Variants in KLF16 observed in about 807,000 individuals in gnomAD.
KLF16 encodes the protein KLF transcription factor 16, also known as Krueppel-like factor 16.
A neutral mutation model predicts 6.1 loss-of-function variants in KLF16; 6 were observed. The ratio of observed to expected loss-of-function variants is 0.98; its 90% CI spans 0.54 to 1.93. KLF16 has a LOEUF of 1.93. Among genes scored for constraint, KLF16 ranks in the 30% most tolerant of loss-of-function variants. The probability of loss-of-function intolerance (pLI) is 0.01; values close to 1 mark genes in which losing one functional copy is unlikely to be tolerated. For missense variants in KLF16, 355 were observed against 363.8 expected, an observed-to-expected ratio of 0.98 and a Z score of 0.20; for synonymous variants, 211 against 176.5, an observed-to-expected ratio of 1.20 and a Z score of -1.55.
chr19:1,873,727 A>G, the KLF16 span, among the ~76,000 whole-genome samples: 1 of 152,222 alleles, frequency 6.6e-6, no homozygotes. Context: ...CCTGGAATAG[A>G]GTGCTGGCCT....
intron 1 of KLF16, among the ~76,000 whole-genome samples, 178 bp from the exon 2 acceptor site, chr19:1,854,938 G>A (rs575291449): frequency 1.3e-4 from 20 of 152,214 alleles, no homozygotes; most frequent in African/African-American, 4.3e-4. Flanking sequence ...CCCGCCCCCC[G>A]GTGGCCCAAC....
upstream of KLF16, among the ~76,000 whole-genome samples, chr19:1,867,724 G>A (rs2012209516): frequency 6.6e-6 from 1 of 151,892 alleles, no homozygotes; most frequent in South Asian, 2.1e-4. Context: ...AAATTAGCCA[G>A]GTGTGGTGGG....
intron 1 of KLF16, among the ~76,000 whole-genome samples, chr19:1,860,845 A>G (rs984501640): frequency 9.9e-5 from 15 of 152,274 alleles, no homozygotes; most frequent in African/African-American, 3.6e-4. Context: ...GAAAGCCACA[A>G]GTATCCAAAA....
chr19:1,864,057 A>C (rs1360336595), upstream of KLF16, among the ~76,000 whole-genome samples: 12 of 91,662 alleles, frequency 1.3e-4, no homozygotes, highest in South Asian at 3.9e-4. Flanking sequence ...GCCCCGCCCC[A>C]TCCCGGCACG....
chr19:1,862,511 C>G (rs2012086424), intron 1 of KLF16, among the ~76,000 whole-genome samples: 1 of 151,948 alleles, frequency 6.6e-6, no homozygotes, highest in Admixed American at 6.5e-5. Flanking sequence ...GCAGAGAAAA[C>G]GTGCCGGGCT....
upstream of KLF16, among the ~76,000 whole-genome samples, chr19:1,868,296 C>T (rs566331404): frequency 6.6e-6 from 1 of 152,108 alleles, no homozygotes; most frequent in Admixed American, 6.6e-5. Context: ...CATCCAGTGA[C>T]CCCACCTGCA....
chr19:1,874,617 G>A, the KLF16 span, among the ~76,000 whole-genome samples: 2 of 151,510 alleles, frequency 1.3e-5, no homozygotes, highest in East Asian at 3.9e-4. Context: ...CTAATGACCA[G>A]TAACAATTTT....
At chr19:1,861,078 G>A (rs528705906) in intron 1 of KLF16, among the ~76,000 whole-genome samples, 130 of 152,096 alleles carry the variant, frequency 8.5e-4, no homozygotes, top group African/African-American at 3.0e-3. Flanking sequence ...GGCACCCCCA[G>A]GCCTGTTTCT....
chr19:1,873,721 G>A, the KLF16 span, among the ~76,000 whole-genome samples: 24,740 of 152,260 alleles, frequency 0.16, 2,313 homozygotes, highest in East Asian at 0.28. Flanking sequence ...GCGCGTCCTG[G>A]AATAGAGTGC....
intron 1 of KLF16, among the ~76,000 whole-genome samples, chr19:1,859,182 A>G (rs1032923696): frequency 1.3e-5 from 2 of 151,432 alleles, no homozygotes; most frequent in East Asian, 3.9e-4. Flanking sequence ...CCAACCCTAC[A>G]GGAGCGCATA....
chr19:1,872,646 C>A, the KLF16 span, among the ~76,000 whole-genome samples: 2 of 152,324 alleles, frequency 1.3e-5, no homozygotes, highest in Admixed American at 1.3e-4. Flanking sequence ...GAGGTGCTCG[C>A]TGTCTGGCCG....
At chr19:1,858,187 C>A (rs545533291) in intron 1 of KLF16, among the ~76,000 whole-genome samples, 1 of 152,274 alleles carries the variant, frequency 6.6e-6, no homozygotes, top group East Asian at 1.9e-4. Flanking sequence ...AATCCCATCA[C>A]CTTCGGGATC....
At chr19:1,855,753 G>A (rs2011937500) in intron 1 of KLF16, among the ~76,000 whole-genome samples, 1 of 152,232 alleles carries the variant, frequency 6.6e-6, no homozygotes, top group South Asian at 2.1e-4. Context: ...ACTGGGGAGG[G>A]GCAGGTCAGT....
chr19:1,858,972 C>T (rs964673510), intron 1 of KLF16, among the ~76,000 whole-genome samples: 3 of 152,118 alleles, frequency 2.0e-5, no homozygotes, highest in East Asian at 1.9e-4. Flanking sequence ...CCTGGGGGAG[C>T]CCTCCCCATC....
In KLF16 at chr19:1,863,570, C is replaced by T; in HGVS notation, c.-73G>A. 1.3e-6 allele frequency: 1 copy of T among 744,106 alleles called. No individual in the cohort carries two copies. Among genetic ancestry groups the T allele is most frequent in the Non-Finnish European group, 1.6e-6 (1 of 612,830 alleles). 46.1% of individuals were successfully genotyped at this position (744,106 alleles called of 1,614,324 possible). Reference sequence around the variant, plus strand: ...GCGGCGTCCGTCCGGCCGGCGGCGGCTGCTCGAGTGCGGGAGGCGGAGGAG... The same window carrying T: ...GCGGCGTCCGTCCGGCCGGCGGCGGTTGCTCGAGTGCGGGAGGCGGAGGAG... On this transcript the variant is annotated 5_prime_UTR_variant, in exon 1 of 2. Coordinates refer to ENST00000250916, the MANE Select transcript of KLF16 (RefSeq NM_031918.4).
the KLF16 span, among the ~76,000 whole-genome samples, chr19:1,869,343 G>A: frequency 6.6e-6 from 1 of 152,286 alleles, no homozygotes; most frequent in African/African-American, 2.4e-5. Flanking sequence ...AGCCAGGTTT[G>A]GTGGTGGGCG....
At chr19:1,859,201 TG>T (rs2012013473) in intron 1 of KLF16, among the ~76,000 whole-genome samples, 1 of 151,946 alleles carries the variant, frequency 6.6e-6, no homozygotes, top group Admixed American at 6.5e-5. Flanking sequence ...TAGTTCTGCC[TG>T]GGGGTGGAGG....
At chr19:1,867,666 G>C (rs2012208923), upstream of KLF16, among the ~76,000 whole-genome samples, 1 of 152,252 alleles carries the variant, frequency 6.6e-6, no homozygotes, top group East Asian at 1.9e-4. Flanking sequence ...AGGAGTTCAA[G>C]AACAGCCTGG....
At chr19:1,869,353 G>C in the KLF16 span, among the ~76,000 whole-genome samples, 8 of 152,228 alleles carry the variant, frequency 5.3e-5, no homozygotes, top group South Asian at 1.7e-3. Context: ...GGTGGTGGGC[G>C]CCTGTAATCC....
Sources: gnomAD v4.1 joint callset for allele counts (sites outside exome capture counted in the v4.1 genomes callset) on GRCh38, gnomAD v4.1.1 for gene constraint, MANE v1.5 for transcripts, NCBI Gene and HGNC (gene_info 2026-07-23, HGNC 2026-07-21) for gene names.